The following EMB variants were observed in gnomAD, a reference collection of about 807,000 sequenced individuals.
EMB encodes the protein embigin, also known as embigin homolog.
In EMB, 31 loss-of-function variants were observed where a neutral mutation model predicts 41.4. The ratio of observed to expected loss-of-function variants is 0.75; its 90% CI spans 0.56 to 1.01. The LOEUF (loss-of-function observed/expected upper bound fraction) is 1.01, where lower values mean the gene tolerates loss of function less well. Among genes scored for constraint, EMB ranks in the 50% least tolerant of loss-of-function variants. EMB has a pLI of 0.00. For synonymous variants in EMB, 137 were observed against 140.4 expected (o/e 0.98, Z 0.17); for missense variants, 379 against 388.3 (o/e 0.98, Z 0.20).
intron 7 of EMB, among the ~76,000 whole-genome samples, chr5:50,400,913 T>C (rs1312246040): frequency 2.6e-5 from 4 of 152,002 alleles, no homozygotes; most frequent in Admixed American, 2.0e-4. Flanking sequence ...AACTTCCAAA[T>C]GTGAGCTCAG....
chr5:50,417,021 G>A (rs1745440799), intron 2 of EMB, among the ~76,000 whole-genome samples: 1 of 152,132 alleles, frequency 6.6e-6, no homozygotes, highest in Admixed American at 6.5e-5. Context: ...CTGCTCTGAA[G>A]GAGAAGTCAC....
intron 7 of EMB, 53 bp downstream of exon 7, chr5:50,402,233 G>A (rs2111767707): frequency 6.5e-7 from 1 of 1,547,810 alleles, no homozygotes; most frequent in Non-Finnish European, 8.9e-7. Context: ...TCAATTTTAT[G>A]TTTCCCTGTA....
chr5:50,427,957 C>G (rs1453637469), intron 2 of EMB, among the ~76,000 whole-genome samples, 187 bp downstream of exon 2: 2 of 152,108 alleles, frequency 1.3e-5, no homozygotes, highest in Non-Finnish European at 2.9e-5. Flanking sequence ...GTATATTTTC[C>G]TCCTTTGTGC....
intron 1 of EMB, among the ~76,000 whole-genome samples, chr5:50,429,964 C>CTT (rs1561139839): frequency 6.0e-4 from 52 of 87,044 alleles, no homozygotes; most frequent in African/African-American, 3.0e-3. Context: ...CTCCCCAACT[C>CTT]TCTTTCTCTC....
chr5:50,409,324 G>GT (rs1246222834), intron 4 of EMB, among the ~76,000 whole-genome samples: 1 of 151,932 alleles, frequency 6.6e-6, no homozygotes, highest in Admixed American at 6.6e-5. Context: ...AGAAAAATGT[G>GT]TTATCTTCAA....
intron 1 of EMB, among the ~76,000 whole-genome samples, chr5:50,438,260 C>G (rs1455104327): frequency 6.6e-6 from 1 of 152,168 alleles, no homozygotes; most frequent in Non-Finnish European, 1.5e-5. Context: ...TTACATAAGC[C>G]AAGCCCCAAT....
chr5:50,431,075 C>G (rs1205079218), intron 1 of EMB, among the ~76,000 whole-genome samples: 1 of 152,170 alleles, frequency 6.6e-6, no homozygotes, highest in Non-Finnish European at 1.5e-5. Flanking sequence ...ATCAGACATC[C>G]ATAAACCAAA....
intron 2 of EMB, among the ~76,000 whole-genome samples, chr5:50,419,124 T>C (rs1377256464): frequency 6.6e-6 from 1 of 152,178 alleles, no homozygotes; most frequent in Non-Finnish European, 1.5e-5. Flanking sequence ...GAGGTAGCAG[T>C]CCAGGACTCA....
At chr5:50,428,108 T>C (rs1561139144) in intron 2 of EMB, 36 bp downstream of exon 2, 3 of 1,491,510 alleles carry the variant, frequency 2.0e-6, no homozygotes, top group East Asian at 2.3e-5. Flanking sequence ...AAACCCTTTT[T>C]TTCGAATTGC....
At chr5:50,411,629 CCTT>C (rs1334023955) in intron 2 of EMB, 1 of 312,692 alleles carries the variant, frequency 3.2e-6, no homozygotes. Context: ...ATAGTTATCT[CCTT>C]AAGCTCTATA....
At position 50,396,429 on chromosome 5, in the gene EMB, A is replaced by G. The variant is rs1336211081; in HGVS notation, c.*2844T>C. The G allele has an allele frequency of 6.6e-6, 1 of 152,196 alleles. No individual in the cohort carries two copies. The highest frequency in any genetic ancestry group is 2.4e-5 in the African/African-American group (1 of 41,456). 9.4% of individuals were successfully genotyped at this position (152,196 alleles called of 1,614,324 possible). ...ACCAACAAATGTATATTTATAACAC[A>G]GAGTAATAAACACAAATAAATGTGG... On this transcript the variant is annotated 3_prime_UTR_variant, in exon 9 of 9. Coordinates refer to ENST00000303221, the MANE Select transcript of EMB (RefSeq NM_198449.3).
intron 7 of EMB, 102 bp from the exon 8 acceptor site, chr5:50,400,015 A>T (rs1320423165): frequency 1.4e-6 from 1 of 711,198 alleles, no homozygotes; most frequent in African/African-American, 1.9e-5. Context: ...TAAAATGTCA[A>T]TACGGACAGA....
chr5:50,408,172 C>A (rs1745278272), intron 4 of EMB, among the ~76,000 whole-genome samples: 1 of 151,970 alleles, frequency 6.6e-6, no homozygotes, highest in South Asian at 2.1e-4. Context: ...TTGGTACTAT[C>A]AAAATCTCAT....
chr5:50,434,229 C>T (rs1305710137), intron 1 of EMB, among the ~76,000 whole-genome samples: 1 of 152,108 alleles, frequency 6.6e-6, no homozygotes, highest in Non-Finnish European at 1.5e-5. Context: ...CAGCTTGCCA[C>T]GACAAAGAAT....
intron 2 of EMB, among the ~76,000 whole-genome samples, chr5:50,417,357 A>T (rs1390367732): frequency 6.6e-6 from 1 of 152,256 alleles, no homozygotes; most frequent in Non-Finnish European, 1.5e-5. Context: ...TAAAATTCTC[A>T]AAGTTTATAT....
intron 7 of EMB, 102 bp downstream of exon 7, chr5:50,402,184 C>A: frequency 8.0e-7 from 1 of 1,249,644 alleles, no homozygotes; most frequent in Non-Finnish European, 1.2e-6. Context: ...ACAGAAAATA[C>A]TCCTCTGCCT....
intron 6 of EMB, among the ~76,000 whole-genome samples, chr5:50,402,831 G>C (rs1428797234): frequency 7.8e-6 from 1 of 127,532 alleles, no homozygotes; most frequent in Non-Finnish European, 1.6e-5. Flanking sequence ...ATATTCCAGT[G>C]CCAGAATACA....
chr5:50,422,768 T>G (rs1745545430), intron 2 of EMB, among the ~76,000 whole-genome samples: 1 of 152,142 alleles, frequency 6.6e-6, no homozygotes, highest in South Asian at 2.1e-4. Flanking sequence ...AAGTAAAAAT[T>G]CAGTATCCAA....
Position 50,428,133 on chromosome 5 carries a change from G to T in EMB, c.196+11C>A, listed in dbSNP as rs747160945. The T allele has an allele frequency of 1.9e-6, 3 of 1,565,390 alleles. No homozygotes were observed. The highest frequency in any genetic ancestry group is 2.6e-6 in the Non-Finnish European group (3 of 1,144,248). On this transcript the variant is annotated intron_variant, in intron 2 of 8. Coordinates refer to ENST00000303221, the MANE Select transcript of EMB (RefSeq NM_198449.3). ...TTTCGAATTGCATTATTTGAAACAT[G>T]ATACATTTACCAGTCAGTGATATGT...
Sources: gnomAD v4.1 joint callset for allele counts (sites outside exome capture counted in the v4.1 genomes callset) on GRCh38, gnomAD v4.1.1 for gene constraint, MANE v1.5 for transcripts, NCBI Gene and HGNC (gene_info 2026-07-23, HGNC 2026-07-21) for gene names.